CEP126: variants seen among roughly 807,000 people sequenced by gnomAD.
The protein encoded by CEP126 is centrosomal protein of 126 kDa.
CEP126 carries 74 observed loss-of-function variants against 107.8 expected under a neutral mutation model. The observed-to-expected ratio is 0.69, with a 90% CI of 0.57 to 0.83. CEP126 has a LOEUF of 0.83. Ranked by LOEUF, CEP126 falls within the 40% of genes least tolerant of loss-of-function variation. CEP126 has a pLI of 0.00. For synonymous variants in CEP126, 449 were observed against 446.0 expected (o/e 1.01, Z -0.08); for missense variants, 1,237 against 1,281.9 (o/e 0.96, Z 0.53).
rs539971802 is a variant in CEP126 at position 101,927,388 on chromosome 11, AAC to A, written c.248+4630_248+4631del. The stretch of plus-strand genomic sequence containing the variant: ...ATTCACAGGCAATTGTAAAAAATAA[AAC>A]AGAGAGATTCCATATACCTTTTACC... On this transcript the variant is annotated intron_variant, in intron 2 of 10. Coordinates refer to ENST00000263468, the MANE Select transcript of CEP126 (RefSeq NM_020802.4). Among the ~76,000 whole-genome samples, 4 of 152,352 alleles carry A rather than the reference AAC, an allele frequency of 2.6e-5. No homozygotes were observed. The East Asian group carries it at 7.7e-4, about 29-fold the overall frequency.
rs769513184 is a variant in CEP126 at position 101,979,660 on chromosome 11, C to A, written c.2958+1201C>A. ...CTGAGGTTCCGGGAGGATGCATGAG[C>A]CCAGGAGTTTGAGGCTGCAGTAAGC... On this transcript the variant is annotated intron_variant, in intron 7 of 10. Transcript: ENST00000263468. 1.4e-4 allele frequency among the ~76,000 whole-genome samples: 22 copies of A among 152,270 alleles called. No individual in the cohort carries two copies. In the Middle Eastern group the frequency reaches 0.014, roughly 94 times the overall value.
At position 102,000,363 on chromosome 11, in the gene CEP126, AAAACTTATGAAACTTCTTAT is replaced by A. The variant is rs1035280960; in HGVS notation, c.*2723_*2742del. 2.0e-5 allele frequency: 3 copies of A among 152,110 alleles called. No homozygotes were observed. Among genetic ancestry groups the A allele is most frequent in the Non-Finnish European group, 4.4e-5 (3 of 68,012 alleles). 9.4% of individuals were successfully genotyped at this position (152,110 alleles called of 1,614,324 possible). The stretch of plus-strand genomic sequence containing the variant: ...AACAAGCATCACTTTCCTCAGTGGA[AAAACTTATGAAACTTCTTAT>A]AAGAGAGAGTAATCTCAGGCCGGAC... On this transcript the variant is annotated 3_prime_UTR_variant, in exon 11 of 11. Transcript: ENST00000263468.
chr11:101,963,094 AAG>A lies in CEP126; in HGVS notation c.2061_2062del (p.Lys688ValfsTer8). The A allele has an allele frequency of 6.2e-7, 1 of 1,614,134 alleles. No individual in the cohort carries two copies. Among genetic ancestry groups the A allele is most frequent in the Non-Finnish European group, 8.5e-7 (1 of 1,180,002 alleles). ...TTGTGCTGTAAATTCTGCTGATACA[AAG>A]AAGTCCAGGGAGGATTCTATCTCTG... is the stretch of plus-strand genomic sequence containing the variant. ...STCAVNSADT[K>X]KSREDSISEN... On this transcript the variant is annotated frameshift_variant, in exon 6 of 11. Coordinates refer to ENST00000263468, the MANE Select transcript of CEP126 (RefSeq NM_020802.4). LOFTEE classifies it high-confidence loss of function.
intron 2 of CEP126, among the ~76,000 whole-genome samples, chr11:101,928,929 A>G (rs996058518): frequency 6.6e-6 from 1 of 152,176 alleles, no homozygotes; most frequent in Non-Finnish European, 1.5e-5. Context: ...TATTGCTGAG[A>G]GTTTCATAGG....
rs556646503 is a variant in CEP126 at position 101,929,541 on chromosome 11, G to A, written c.248+6781G>A. 9.9e-5 allele frequency among the ~76,000 whole-genome samples: 15 copies of A among 152,246 alleles called. No homozygotes were observed. In the East Asian group the frequency reaches 2.9e-3, roughly 29 times the overall value. ...ACGTGGTCTCCATTGATACCACAGT[G>A]GAGGTGGCCTTATTACTGCTGGATG... On this transcript the variant is annotated intron_variant, in intron 2 of 10. Transcript: ENST00000263468.
chr11:101,995,502 T>C (rs1019088103), intron 10 of CEP126, among the ~76,000 whole-genome samples: 1 of 152,182 alleles, frequency 6.6e-6, no homozygotes, highest in Admixed American at 6.5e-5. Context: ...TGAGAAACAC[T>C]GGTCTAGAAA....
intron 4 of CEP126, among the ~76,000 whole-genome samples, chr11:101,957,526 A>C (rs1285879153): frequency 6.6e-6 from 1 of 152,194 alleles, no homozygotes; most frequent in African/African-American, 2.4e-5. Context: ...TAGCATAGTA[A>C]AGGTAGACTC....
chr11:101,922,865 A>G (rs1184735949), intron 2 of CEP126, 105 bp downstream of exon 2: 30 of 863,530 alleles, frequency 3.5e-5, no homozygotes, highest in Middle Eastern at 7.4e-4. Flanking sequence ...TGGCAGTGTT[A>G]TCTGTGAAAC....
chr11:101,995,576 G>T (rs1387440171), intron 10 of CEP126, among the ~76,000 whole-genome samples: 2 of 152,172 alleles, frequency 1.3e-5, no homozygotes, highest in Non-Finnish European at 1.5e-5. Context: ...CCATCTGGGA[G>T]TTCGTGGGGA....
At chr11:101,985,541 C>G (rs1565369443) in intron 8 of CEP126, among the ~76,000 whole-genome samples, 1 of 152,152 alleles carries the variant, frequency 6.6e-6, no homozygotes, top group Non-Finnish European at 1.5e-5. Context: ...CTTCGGCCTC[C>G]CAAAATGCTG....
rs1448525819 is a variant in CEP126 at position 101,958,183 on chromosome 11, C to T, written c.522C>T (p.Ala174=). 1 of 1,613,762 alleles carries T rather than the reference C, an allele frequency of 6.2e-7. No individual in the cohort carries two copies. ...TGGTTCACAGAGCTATAGATTCTGC[C>T]TTGCCTTCCGCATTATCAAAAAATG... ...PTINWRAIDS[A]LPSALSKNDH... Residue 174 remains alanine, a synonymous_variant, in exon 5 of 11, where the codon GCC becomes GCT. Transcript: ENST00000263468.
In CEP126 at chr11:101,987,077, G is replaced by A. The variant is rs369299219; in HGVS notation, c.3244+36G>A. 2.7e-4 allele frequency: 351 copies of A among 1,320,126 alleles called. 1 individual carries two copies. The highest frequency in any genetic ancestry group is 4.9e-4 in the Admixed American group (24 of 49,152). 81.8% of individuals were successfully genotyped at this position (1,320,126 alleles called of 1,614,324 possible). ...AAGAACACCTTTTATAAGAAATACT[G>A]CATTTATACTTAGACAATTTTAATT... On this transcript the variant is annotated intron_variant, in intron 9 of 10. Coordinates refer to ENST00000263468, the MANE Select transcript of CEP126 (RefSeq NM_020802.4).
At position 101,962,018 on chromosome 11, in the gene CEP126, C is replaced by G; in HGVS notation, c.983C>G (p.Ser328Ter). ...AATACTCAGAATGTCACAGCTTTCT[C>G]AGATATTTTAAGTAAATCTAATGTT... is the stretch of plus-strand genomic sequence containing the variant. ...ASNTQNVTAF[S>*]DILSKSNVLP... Residue 328 changes from serine (S) to a stop codon, truncating the protein, a stop_gained, in exon 6 of 11, where the codon TCA becomes TGA. Transcript: ENST00000263468. LOFTEE classifies it high-confidence loss of function. The G allele has an allele frequency of 6.2e-7, 1 of 1,613,026 alleles. No homozygotes were observed.
Position 101,986,817 on chromosome 11 carries a change from T to G in CEP126, c.3035-15T>G. On this transcript the variant is annotated splice_polypyrimidine_tract_variant and intron_variant, in intron 8 of 10. Coordinates refer to ENST00000263468, the MANE Select transcript of CEP126 (RefSeq NM_020802.4). ...CAAAAGGGGTTCAAAGAATAACTGA[T>G]GTAAGTTTCTGTAGTTTCAGATAGT... The G allele has an allele frequency of 1.9e-6, 3 of 1,604,350 alleles. No individual in the cohort carries two copies. The highest frequency in any genetic ancestry group is 2.6e-6 in the Non-Finnish European group (3 of 1,171,504).
rs138147566 is a variant in CEP126 at position 101,927,555 on chromosome 11, C to T, written c.248+4795C>T. ...AAGTGTTGTCCTTTTATAGCCACAC[C>T]TACTTCTCTCCCAGTCCCACCCCCT... On this transcript the variant is annotated intron_variant, in intron 2 of 10. Coordinates refer to ENST00000263468, the MANE Select transcript of CEP126 (RefSeq NM_020802.4). Among the ~76,000 whole-genome samples, 3 of 152,236 alleles carry T rather than the reference C, an allele frequency of 2.0e-5. No individual in the cohort carries two copies. In the East Asian group the frequency reaches 5.8e-4, roughly 29 times the overall value.
At chr11:101,942,357 C>T (rs1157192241) in intron 2 of CEP126, among the ~76,000 whole-genome samples, 1 of 152,034 alleles carries the variant, frequency 6.6e-6, no homozygotes, top group East Asian at 1.9e-4. Flanking sequence ...ATATCCAACA[C>T]CATTTTCTGT....
At chr11:101,922,864 T>G (rs1940351531) in intron 2 of CEP126, 104 bp downstream of exon 2, 7 of 869,260 alleles carry the variant, frequency 8.1e-6, no homozygotes, top group Non-Finnish European at 8.7e-6. Flanking sequence ...ATGGCAGTGT[T>G]ATCTGTGAAA....
chr11:101,925,495 G>A (rs546887859), intron 2 of CEP126, among the ~76,000 whole-genome samples: 1 of 151,290 alleles, frequency 6.6e-6, no homozygotes, highest in South Asian at 2.1e-4. Flanking sequence ...ATCTGGCCGG[G>A]CGTGGTGACT....
chr11:101,924,324 GGT>G (rs1940374979), intron 2 of CEP126, among the ~76,000 whole-genome samples: 1 of 152,114 alleles, frequency 6.6e-6, no homozygotes. Flanking sequence ...CTATGATTAT[GGT>G]CTTCTTAACC....
Sources: allele counts gnomAD v4.1 joint callset (sites outside exome capture counted in the v4.1 genomes callset), GRCh38; gene constraint gnomAD v4.1.1; transcripts MANE v1.5; gene names NCBI Gene and HGNC (gene_info 2026-07-23, HGNC 2026-07-21).